The following ZNF662 variants were observed in gnomAD, a reference collection of about 807,000 sequenced individuals.
ZNF662 encodes the protein zinc finger protein 662.
Under a neutral mutation model 12.4 loss-of-function variants are expected in ZNF662, and 14 were observed. The ratio of observed to expected loss-of-function variants is 1.13; its 90% CI spans 0.75 to 1.77. The LOEUF (loss-of-function observed/expected upper bound fraction) is 1.77, where lower values mean the gene tolerates loss of function less well. Among genes scored for constraint, ZNF662 ranks in the 40% most tolerant of loss-of-function variants. ZNF662 has a pLI of 0.00. For missense variants in ZNF662, 550 were observed against 515.6 expected (o/e 1.07, Z -0.65); for synonymous variants, 184 against 176.4 (o/e 1.04, Z -0.34).
Position 42,914,330 on chromosome 3 carries a change from G to T in ZNF662, c.257G>T (p.Gly86Val), listed in dbSNP as rs1229373104. ...GEGPSLICPE[G>V]VLKRKKEDFI... The stretch of plus-strand genomic sequence containing the variant: ...AAGCTCCAATTTCTTTTTTCAGAGG[G>T]TGTGTTGAAGAGGAAGAAAGAAGAT... The change falls in exon 5 of 5, where the codon GGT becomes GTT. Residue 86 changes from glycine to valine, a missense_variant. By Grantham distance (109) the Gly-to-Val change is moderately radical (BLOSUM62 -3). Transcript: ENST00000440367. 2.5e-6 allele frequency: 4 copies of T among 1,589,348 alleles called. No individual in the cohort carries two copies. The South Asian group carries it at 3.5e-5, about 14-fold the overall frequency.
intron 3 of ZNF662, among the ~76,000 whole-genome samples, chr3:42,912,842 C>T (rs1247035265): frequency 4.1e-5 from 6 of 147,760 alleles, no homozygotes; most frequent in East Asian, 2.0e-4. Context: ...CGGGTTCAAG[C>T]GATTCTCCTG....
rs1448900270 is a variant in ZNF662 at position 42,908,935 on chromosome 3, A to G, written c.151+26A>G. On this transcript the variant is annotated intron_variant, in intron 3 of 4. Transcript: ENST00000440367. ...GTGAGTGAGGGCACACGTGCCGGTC[A>G]TCTGACCAGTTTTCTTGTCATGATC... The G allele has an allele frequency of 5.2e-6, 8 of 1,529,040 alleles. No homozygotes were observed. In the Admixed American group the frequency reaches 7.0e-5, roughly 13 times the overall value. The allele number at this position is 1,529,040 out of a possible 1,614,324, so 94.7% of individuals were successfully genotyped here.
At chr3:42,907,898 T>C (rs547765800) in intron 1 of ZNF662, 124 bp from the exon 2 acceptor site, 34 of 1,443,118 alleles carry the variant, frequency 2.4e-5, no homozygotes, top group East Asian at 1.7e-4. Context: ...ATAGAGTTCC[T>C]GTAGACATTC....
At chr3:42,908,951 T>G in intron 3 of ZNF662, 42 bp downstream of exon 3, 1 of 1,397,058 alleles carries the variant, frequency 7.2e-7, no homozygotes, top group Non-Finnish European at 1.0e-6. Flanking sequence ...CCAGTTTTCT[T>G]GTCATGATCT....
In ZNF662 at chr3:42,915,451, C is replaced by G. The variant is rs553238392; in HGVS notation, c.*97C>G. On this transcript the variant is annotated 3_prime_UTR_variant, in exon 5 of 5. Transcript: ENST00000440367. The stretch of plus-strand genomic sequence containing the variant: ...ATTCACAATTTGCTGTAACCCTTAA[C>G]TTAAATAGCCAGTATTATCTTGCCC... 3 of 1,127,002 alleles carry G rather than the reference C, an allele frequency of 2.7e-6. No individual in the cohort carries two copies. The African/African-American group carries it at 4.7e-5, about 18-fold the overall frequency. 69.8% of individuals were successfully genotyped at this position (1,127,002 alleles called of 1,614,324 possible).
At chr3:42,910,277 G>A (rs1193883267) in intron 3 of ZNF662, among the ~76,000 whole-genome samples, 2 of 152,208 alleles carry the variant, frequency 1.3e-5, no homozygotes, top group Non-Finnish European at 2.9e-5. Context: ...AGGCAGGGAG[G>A]TTGCAGTGAG....
chr3:42,913,226 G>T lies in ZNF662; in HGVS notation c.177G>T (p.Gly59=). The part of the protein sequence containing the change: ...SSGYPFLKPA[G]ISHPEQVEEP... ...GATATCCATTTCTAAAGCCTGCTGGGATTTCCCATCCTGAGCAGGTGGAAG... is the reference window on the plus strand; with the variant it reads ...GATATCCATTTCTAAAGCCTGCTGGTATTTCCCATCCTGAGCAGGTGGAAG... Residue 59 remains glycine (G), a synonymous_variant, in exon 4 of 5, where the codon GGG becomes GGT. Coordinates refer to ENST00000440367, the MANE Select transcript of ZNF662 (RefSeq NM_207404.4). 1 of 1,613,952 alleles carries T rather than the reference G, an allele frequency of 6.2e-7. No individual in the cohort carries two copies. The highest frequency in any genetic ancestry group is 1.1e-5 in the South Asian group (1 of 91,062).
rs2125649170 is a variant in ZNF662, at chr3:42,914,897, C to G, written c.824C>G (p.Pro275Arg). Residue 275 changes from proline to arginine, a missense_variant, in exon 5 of 5, where the codon CCC becomes CGC. Physicochemically the swap from Pro to Arg is moderately radical, Grantham distance 103. Coordinates refer to ENST00000440367, the MANE Select transcript of ZNF662 (RefSeq NM_207404.4). ...CAGAGAATACATACTGGAGAGAAAC[C>G]CTTTGAATGTAAGGAATGTGGGAAG... is the stretch of plus-strand genomic sequence containing the variant. Reference protein sequence around the residue: ...RHQRIHTGEKPFECKECGKGF... With the variant: ...RHQRIHTGEKRFECKECGKGF... 1 of 1,613,748 alleles carries G rather than the reference C, an allele frequency of 6.2e-7. No homozygotes were observed.
At chr3:42,909,491 ATCTC>A (rs2088741136) in intron 3 of ZNF662, among the ~76,000 whole-genome samples, 1 of 152,122 alleles carries the variant, frequency 6.6e-6, no homozygotes, top group African/African-American at 2.4e-5. Flanking sequence ...TAACAATCTG[ATCTC>A]TCTTTCTTTT....
In ZNF662 at chr3:42,914,414, GA is replaced by G. The variant is rs1559382219; in HGVS notation, c.342del (p.Gln116SerfsTer20). The G allele has an allele frequency of 6.2e-7, 1 of 1,613,956 alleles. No individual in the cohort carries two copies. ...EAQDLMVLSS[G>X]PQWCGSQELW... ...CAGGACCTCATGGTCCTATCAAGTG[GA>G]CCCCAGTGGTGTGGATCCCAGGAAT... On this transcript the variant is annotated frameshift_variant, in exon 5 of 5. Coordinates refer to ENST00000440367, the MANE Select transcript of ZNF662 (RefSeq NM_207404.4). LOFTEE classifies it low-confidence loss of function (END_TRUNC).
intron 2 of ZNF662, chr3:42,908,531 A>G: frequency 2.3e-6 from 3 of 1,295,570 alleles, no homozygotes; most frequent in Non-Finnish European, 2.9e-6. Flanking sequence ...GAGGACAGGT[A>G]AGAATTGAGG....
At position 42,908,047 on chromosome 3, in the gene ZNF662, C is replaced by T; in HGVS notation, c.-68C>T. On this transcript the variant is annotated 5_prime_UTR_variant, in exon 2 of 5. Transcript: ENST00000440367. ...GAGTCAGTGACCTTCGAGGATGTGG[C>T]CGTCTACTTCTCTGAGAACGAATGG... 1 of 1,614,172 alleles carries T rather than the reference C, an allele frequency of 6.2e-7. No homozygotes were observed. The highest frequency in any genetic ancestry group is 8.5e-7 in the Non-Finnish European group (1 of 1,180,016).
At position 42,906,932 on chromosome 3, in the gene ZNF662, A is replaced by C. The variant is rs1035380459; in HGVS notation, c.-94+764A>C. Among the ~76,000 whole-genome samples, 3 of 152,106 alleles carry C rather than the reference A, an allele frequency of 2.0e-5. No homozygotes were observed. Among genetic ancestry groups the C allele is most frequent in the Non-Finnish European group, 4.4e-5 (3 of 68,020 alleles). Reference sequence around the variant, plus strand: ...AGGAAAGCTGGGTCTGTGAGTAGTGAATGGAATTGTCTGTAGTGCAGAGGA... The same window carrying C: ...AGGAAAGCTGGGTCTGTGAGTAGTGCATGGAATTGTCTGTAGTGCAGAGGA... On this transcript the variant is annotated intron_variant, in intron 1 of 4. Transcript: ENST00000440367. This position sits in a 1 kb window ranked among gnomAD's most constrained non-coding sequence, Gnocchi z 4.4.
Position 42,906,424 on chromosome 3 carries a change from C to G in ZNF662, c.-94+256C>G. 6.8e-7 allele frequency: 1 copy of G among 1,475,926 alleles called. No individual in the cohort carries two copies. The highest frequency in any genetic ancestry group is 1.3e-5 in the South Asian group (1 of 76,290). 91.4% of individuals were successfully genotyped at this position (1,475,926 alleles called of 1,614,324 possible). On this transcript the variant is annotated intron_variant, in intron 1 of 4. Coordinates refer to ENST00000440367, the MANE Select transcript of ZNF662 (RefSeq NM_207404.4). This position sits in a 1 kb window ranked among gnomAD's most constrained non-coding sequence, Gnocchi z 4.4. ...CGAGCTGCTCCCGGGACAGCCCGCGCTGCCCCGGGCGCGCCGGGTGAGTGC... is the reference window on the plus strand; with the variant it reads ...CGAGCTGCTCCCGGGACAGCCCGCGGTGCCCCGGGCGCGCCGGGTGAGTGC...
intron 3 of ZNF662, among the ~76,000 whole-genome samples, chr3:42,912,256 AAT>A (rs1380591259): frequency 7.8e-6 from 1 of 128,770 alleles, no homozygotes; most frequent in African/African-American, 3.0e-5. Flanking sequence ...ATAAAAATAT[AAT>A]ATATATCTTA....
intron 4 of ZNF662, among the ~76,000 whole-genome samples, chr3:42,913,522 G>A (rs539616076): frequency 1.3e-4 from 20 of 152,190 alleles, no homozygotes; most frequent in African/African-American, 2.2e-4. Context: ...GGTCTTTTGC[G>A]TTAGACTTAA....
At chr3:42,913,422 TAAATC>T in intron 4 of ZNF662, 120 bp downstream of exon 4, 1 of 673,692 alleles carries the variant, frequency 1.5e-6, no homozygotes, top group Non-Finnish European at 2.5e-6. Context: ...ACCAGATCCT[TAAATC>T]AACCAATTAA....
chr3:42,913,429 A>G, intron 4 of ZNF662, 127 bp downstream of exon 4: 1 of 652,512 alleles, frequency 1.5e-6, no homozygotes, highest in Non-Finnish European at 2.6e-6. Flanking sequence ...CCTTAAATCA[A>G]CCAATTAAGA....
intron 3 of ZNF662, among the ~76,000 whole-genome samples, chr3:42,909,743 C>T (rs1279289836): frequency 6.8e-6 from 1 of 147,872 alleles, no homozygotes; most frequent in Non-Finnish European, 1.5e-5. Context: ...GAGCTCCTCA[C>T]ATCTCAGACG....
Sources: gnomAD v4.1 joint callset for allele counts (sites outside exome capture counted in the v4.1 genomes callset) on GRCh38, gnomAD v4.1.1 for gene constraint, Gnocchi (gnomAD v3.1) non-coding constraint, MANE v1.5 for transcripts, NCBI Gene and HGNC (gene_info 2026-07-23, HGNC 2026-07-21) for gene names.